Variants in ZNF729 observed in about 807,000 individuals in gnomAD.
ZNF729 encodes the protein zinc finger protein 729.
Under a neutral mutation model 12.2 loss-of-function variants are expected in ZNF729, and 15 were observed. The ratio of observed to expected loss-of-function variants is 1.23; its 90% confidence interval spans 0.82 to 1.89. The LOEUF (loss-of-function observed/expected upper bound fraction) is 1.89. Ranked by LOEUF, ZNF729 falls within the 40% of genes most tolerant of loss-of-function variation. The pLI, the probability that ZNF729 is intolerant of heterozygous loss-of-function variation, is 0.00. For synonymous variants in ZNF729, 492 were observed against 476.3 expected, an observed-to-expected ratio of 1.03 and a Z score of -0.43; for missense variants, 1,540 against 1,456.7, an observed-to-expected ratio of 1.06 and a Z score of -0.93.
At chr19:22,293,069 A>G (rs1166786466) in intron 1 of ZNF729, among the ~76,000 whole-genome samples, 1 of 152,140 alleles carries the variant, frequency 6.6e-6, no homozygotes, top group Non-Finnish European at 1.5e-5. Flanking sequence ...CTGGTGTGAG[A>G]TGGAATCTGG....
chr19:22,304,626 T>A, intron 2 of ZNF729, 62 bp from the exon 3 acceptor site: 1 of 1,376,130 alleles, frequency 7.3e-7, no homozygotes, highest in Non-Finnish European at 1.0e-6. Flanking sequence ...ACATTCTCTT[T>A]AATGAGCATA....
intron 3 of ZNF729, among the ~76,000 whole-genome samples, chr19:22,309,634 A>G (rs1968426442): frequency 6.6e-6 from 1 of 151,116 alleles, no homozygotes; most frequent in Non-Finnish European, 1.5e-5. Context: ...GAAGTCAGGT[A>G]ATGTAATGGC....
At position 22,315,449 on chromosome 19, in the gene ZNF729, C is replaced by A; in HGVS notation, c.2032C>A (p.His678Asn). 6.2e-7 allele frequency: 1 copy of A among 1,612,748 alleles called. No individual in the cohort carries two copies. ...FSALRRHKIIHTGKKPYKCEE... is the reference protein window; with the variant it reads ...FSALRRHKIINTGKKPYKCEE... ...AGCCCTTAGAAGACATAAGATAATTCATACTGGAAAGAAACCGTACAAATG... is the reference window on the plus strand; with the variant it reads ...AGCCCTTAGAAGACATAAGATAATTAATACTGGAAAGAAACCGTACAAATG... The change falls in exon 4 of 4, where the codon CAT becomes AAT. Residue 678 changes from histidine to asparagine, a missense_variant. Coordinates refer to ENST00000601693, the MANE Select transcript of ZNF729 (RefSeq NM_001242680.2).
rs1170842826 is a variant in ZNF729 at position 22,314,250 on chromosome 19, A to G, written c.833A>G (p.Asn278Ser). 6.2e-7 allele frequency: 1 copy of G among 1,607,614 alleles called. No individual in the cohort carries two copies. The highest frequency in any genetic ancestry group is 1.1e-5 in the South Asian group (1 of 90,658). ...GGCAAAGCTTTTAACCAGTCCTCAA[A>G]TCTTACTGACCATAAGAGAATTCAT... ...ECGKAFNQSSNLTDHKRIHTG... is the reference protein window; with the variant it reads ...ECGKAFNQSSSLTDHKRIHTG... Residue 278 changes from asparagine (N) to serine (S), a missense_variant, in exon 4 of 4, where the codon AAT becomes AGT. Transcript: ENST00000601693.
chr19:22,292,037 G>GT (rs57888696), intron 1 of ZNF729, among the ~76,000 whole-genome samples: 1 of 151,896 alleles, frequency 6.6e-6, no homozygotes, highest in South Asian at 2.1e-4. Flanking sequence ...CAGCCAGCGA[G>GT]TTTTTTGTTT....
In ZNF729 at chr19:22,304,746, G is replaced by A. The variant is rs1036307740; in HGVS notation, c.216G>A (p.Trp72Ter). 3 of 1,613,172 alleles carry A rather than the reference G, an allele frequency of 1.9e-6. No homozygotes were observed. The African/African-American group carries it at 4.0e-5, about 22-fold the overall frequency. The change falls in exon 3 of 4, where the codon TGG (tryptophan) becomes TGA (stop). Residue 72 changes from tryptophan to a stop codon, truncating the protein, a stop_gained. Coordinates refer to ENST00000601693, the MANE Select transcript of ZNF729 (RefSeq NM_001242680.2). LOFTEE classifies it low-confidence loss of function (END_TRUNC). ...ITCLKQGKEP[W>*]NMKRHEMVTK... is the part of the protein sequence containing the mutation. The stretch of plus-strand genomic sequence containing the variant: ...GTCTGAAGCAAGGGAAAGAGCCTTG[G>A]AATATGAAGAGACATGAGATGGTAA...
At chr19:22,287,880 C>G (rs2145037553) in intron 1 of ZNF729, among the ~76,000 whole-genome samples, 1 of 146,098 alleles carries the variant, frequency 6.8e-6, no homozygotes, top group South Asian at 2.2e-4. Context: ...GAGTCTCGCT[C>G]TGTTGCCCAA....
rs564619363 is a variant in ZNF729 at position 22,314,098 on chromosome 19, G to C, written c.681G>C (p.Lys227Asn). ...CGTTCTCAACCCTTACTAAACATAAGATAATTCATACTGAAGACAAACCTT... is the reference window on the plus strand; with the variant it reads ...CGTTCTCAACCCTTACTAAACATAACATAATTCATACTGAAGACAAACCTT... Reference protein sequence around the residue: ...FKSFSTLTKHKIIHTEDKPYK... With the variant: ...FKSFSTLTKHNIIHTEDKPYK... The change falls in exon 4 of 4, where the codon AAG (lysine) becomes AAC (asparagine). Residue 227 changes from lysine (K) to asparagine (N), a missense_variant. Transcript: ENST00000601693. 3.9e-6 allele frequency: 6 copies of C among 1,547,524 alleles called. No homozygotes were observed. The South Asian group carries it at 4.8e-5, about 12-fold the overall frequency.
Position 22,316,939 on chromosome 19 carries a change from CCT to C in ZNF729, c.3523_3524del (p.Leu1175TyrfsTer2). On this transcript the variant is annotated frameshift_variant, in exon 4 of 4. Transcript: ENST00000601693. LOFTEE classifies it low-confidence loss of function (END_TRUNC). ...CGKAFNQSSH[L>X]TRHKTIHTGE... ...GCAAAGCCTTTAACCAGTCCTCACACCTTACTAGACACAAAACAATTCATACT... is the reference window on the plus strand; with the variant it reads ...GCAAAGCCTTTAACCAGTCCTCACACTACTAGACACAAAACAATTCATACT... The C allele has an allele frequency of 6.2e-7, 1 of 1,612,984 alleles. No individual in the cohort carries two copies. The highest frequency in any genetic ancestry group is 8.5e-7 in the Non-Finnish European group (1 of 1,179,948).
intron 1 of ZNF729, among the ~76,000 whole-genome samples, chr19:22,295,036 ATTTGTGTGTG>A (rs1183827416): frequency 3.3e-5 from 3 of 91,288 alleles, no homozygotes; most frequent in Admixed American, 2.4e-4. Flanking sequence ...ACTCCTAGAT[ATTTGTGTGTG>A]TGTGTGTGTG....
At chr19:22,300,719 G>A (rs916531116) in intron 1 of ZNF729, among the ~76,000 whole-genome samples, 4 of 152,148 alleles carry the variant, frequency 2.6e-5, no homozygotes, top group African/African-American at 7.2e-5. Context: ...AGTGACTCTT[G>A]TATCTTCCGA....
In ZNF729 at chr19:22,315,340, A is replaced by G; in HGVS notation, c.1923A>G (p.Ser641=). Reference sequence around the variant, plus strand: ...GTGGCAAAGCTTTTAGGCAATCCTCACACCTTACTAGACATAAAGCAATTC... The same window carrying G: ...GTGGCAAAGCTTTTAGGCAATCCTCGCACCTTACTAGACATAAAGCAATTC... ...EECGKAFRQS[S]HLTRHKAIHT... is the part of the protein sequence containing the mutation. The change falls in exon 4 of 4, where the codon TCA becomes TCG. Residue 641 remains serine, a synonymous_variant. Coordinates refer to ENST00000601693, the MANE Select transcript of ZNF729 (RefSeq NM_001242680.2). 1.9e-6 allele frequency: 3 copies of G among 1,613,540 alleles called. No homozygotes were observed. Among genetic ancestry groups the G allele is most frequent in the Non-Finnish European group, 2.5e-6 (3 of 1,179,770 alleles).
intron 1 of ZNF729, among the ~76,000 whole-genome samples, chr19:22,287,738 C>G (rs1267078346): frequency 6.6e-6 from 1 of 151,866 alleles, no homozygotes; most frequent in Non-Finnish European, 1.5e-5. Flanking sequence ...ACTCCCAAAC[C>G]CCCATTCCTG....
chr19:22,317,162 G>T lies in ZNF729; in HGVS notation c.3745G>T (p.Ala1249Ser). 1 of 1,596,668 alleles carries T rather than the reference G, an allele frequency of 6.3e-7. No homozygotes were observed. Among genetic ancestry groups the T allele is most frequent in the South Asian group, 1.1e-5 (1 of 89,664 alleles). The change falls in exon 4 of 4, where the codon GCC (alanine) becomes TCC (serine). Residue 1249 changes from alanine (A) to serine (S), a missense_variant. Coordinates refer to ENST00000601693, the MANE Select transcript of ZNF729 (RefSeq NM_001242680.2). ...GEKPYKCEEC[A>S]KAF The stretch of plus-strand genomic sequence containing the variant: ...GAAACCCTACAAATGTGAAGAATGT[G>T]CCAAAGCTTTTTAACCATCCTTCAA...
At chr19:22,287,426 C>A (rs1968094172) in intron 1 of ZNF729, among the ~76,000 whole-genome samples, 2 of 151,908 alleles carry the variant, frequency 1.3e-5, no homozygotes, top group Non-Finnish European at 2.9e-5. Context: ...GCCACCACGC[C>A]GGGCTAATTT....
Position 22,314,399 on chromosome 19 carries a change from A to T in ZNF729, c.982A>T (p.Thr328Ser). The change falls in exon 4 of 4, where the codon ACT becomes TCT. Residue 328 changes from threonine to serine, a missense_variant. Coordinates refer to ENST00000601693, the MANE Select transcript of ZNF729 (RefSeq NM_001242680.2). The part of the protein sequence containing the change: ...KPYKCEDCGK[T>S]FNHFSALRKH... Reference sequence around the variant, plus strand: ...CTACAAATGTGAAGATTGTGGCAAAACTTTTAACCATTTCTCAGCCCTTAG... The same window carrying T: ...CTACAAATGTGAAGATTGTGGCAAATCTTTTAACCATTTCTCAGCCCTTAG... 6.3e-7 allele frequency: 1 copy of T among 1,576,614 alleles called. No individual in the cohort carries two copies. The highest frequency in any genetic ancestry group is 8.6e-7 in the Non-Finnish European group (1 of 1,158,216).
intron 1 of ZNF729, among the ~76,000 whole-genome samples, chr19:22,288,767 C>T (rs546142057): frequency 7.9e-5 from 12 of 152,190 alleles, no homozygotes; most frequent in African/African-American, 2.9e-4. Flanking sequence ...ATAATTTCTG[C>T]CCCCTGCATT....
chr19:22,301,641 C>A (rs78617704), intron 1 of ZNF729, among the ~76,000 whole-genome samples: 1 of 152,264 alleles, frequency 6.6e-6, no homozygotes, highest in Non-Finnish European at 1.5e-5. Context: ...TTCTTTGAGA[C>A]TGTGGCTCTG....
At chr19:22,286,599 A>C (rs769569616) in intron 1 of ZNF729, 44 bp downstream of exon 1, 1 of 1,612,604 alleles carries the variant, frequency 6.2e-7, no homozygotes, top group South Asian at 1.1e-5. Flanking sequence ...GAAGGGGCTG[A>C]TTGGAACCGG....
Sources: gnomAD v4.1 joint callset for allele counts (sites outside exome capture counted in the v4.1 genomes callset) on GRCh38, gnomAD v4.1.1 for gene constraint, MANE v1.5 for transcripts, NCBI Gene and HGNC (gene_info 2026-07-23, HGNC 2026-07-21) for gene names.